The following DBNL variants were observed in gnomAD, a reference collection of about 807,000 sequenced individuals.
DBNL encodes the protein drebrin-like protein.
DBNL carries 35 observed loss-of-function variants against 62.2 expected under a neutral mutation model. That is an observed-to-expected ratio of 0.56 (90% CI 0.43 to 0.75). The LOEUF is 0.75. Ranked by LOEUF, DBNL falls within the 30% of genes least tolerant of loss-of-function variation. DBNL has a pLI of 0.00. For missense variants in DBNL, 495 were observed against 578.4 expected (o/e 0.86, Z 1.48); for synonymous variants, 197 against 218.0 (o/e 0.90, Z 0.85).
chr7:44,058,027 T>C lies in DBNL; in HGVS notation c.553-102T>C. 3.3e-6 allele frequency: 5 copies of C among 1,521,942 alleles called. No individual in the cohort carries two copies. In the South Asian group the frequency reaches 5.0e-5, roughly 15 times the overall value. The allele number at this position is 1,521,942 out of a possible 1,614,324, so 94.3% of individuals were successfully genotyped here. ...GCCACAAGGCTAATGATCGACTGGC[T>C]CTGGTGCCCGTCTTTGGCCATGTGC... On this transcript the variant is annotated intron_variant, in intron 6 of 12. Transcript: ENST00000448521.
In DBNL at chr7:44,050,658, G is replaced by A. The variant is rs915400004; in HGVS notation, c.139+378G>A. The A allele has an allele frequency of 2.0e-5, 4 of 201,492 alleles. No homozygotes were observed. The South Asian group carries it at 2.1e-4, about 11-fold the overall frequency. The allele number at this position is 201,492 out of a possible 1,614,324, so 12.5% of individuals were successfully genotyped here. ...CTTTGTCCTGCCCTGGTCTTGTGCC[G>A]AGTGCTTGCAGGGGCCCCATCCTCA... is the stretch of plus-strand genomic sequence containing the variant. On this transcript the variant is annotated intron_variant, in intron 2 of 12. Transcript: ENST00000448521.
Position 44,044,886 on chromosome 7 carries a change from G to GCCC in DBNL, c.83+67_83+68insCCC, listed in dbSNP as rs1370635303. 3.0e-6 allele frequency: 4 copies of GCCC among 1,342,774 alleles called. No homozygotes were observed. The African/African-American group carries it at 6.2e-5, about 21-fold the overall frequency. The allele number at this position is 1,342,774 out of a possible 1,614,324, so 83.2% of individuals were successfully genotyped here. The stretch of plus-strand genomic sequence containing the variant: ...TCAGGGGTGGGTCTGTCTGGGGCGA[G>GCCC]CGGGGGACTCGGGGGGAGCGGGAGC... On this transcript the variant is annotated intron_variant, in intron 1 of 12. Coordinates refer to ENST00000448521, the MANE Select transcript of DBNL (RefSeq NM_001014436.3).
In DBNL at chr7:44,062,828, A is replaced by G; in HGVS notation, c.*1912A>G. On this transcript the variant is annotated 3_prime_UTR_variant, in exon 13 of 13. Transcript: ENST00000448521. ...CTTCCGCACCGTTTCCTCATCACCCAGGAACTGCATGGGCTTGGTGGGCTT... is the reference window on the plus strand; with the variant it reads ...CTTCCGCACCGTTTCCTCATCACCCGGGAACTGCATGGGCTTGGTGGGCTT... 6.2e-7 allele frequency: 1 copy of G among 1,614,168 alleles called. No individual in the cohort carries two copies. Among genetic ancestry groups the G allele is most frequent in the Non-Finnish European group, 8.5e-7 (1 of 1,180,022 alleles).
intron 1 of DBNL, among the ~76,000 whole-genome samples, chr7:44,047,218 G>A (rs535425445): frequency 6.6e-6 from 1 of 152,284 alleles, no homozygotes; most frequent in South Asian, 2.1e-4. Flanking sequence ...GAAGGGGTGG[G>A]GTGGGCTCTG....
chr7:44,055,035 G>T (rs1017336663), intron 4 of DBNL, among the ~76,000 whole-genome samples: 1 of 152,154 alleles, frequency 6.6e-6, no homozygotes, highest in Non-Finnish European at 1.5e-5. Flanking sequence ...TTCATCCATT[G>T]ATGGACGTTT....
Position 44,060,817 on chromosome 7 carries a change from C to T in DBNL, c.1194C>T (p.Ile398=), listed in dbSNP as rs1197451513. 17 of 1,613,976 alleles carry T rather than the reference C, an allele frequency of 1.1e-5. No individual in the cohort carries two copies. Among genetic ancestry groups the T allele is most frequent in the Non-Finnish European group, 1.4e-5 (16 of 1,180,000 alleles). ...TEISFDPENL[I]TGIEVIDEGW... ...TCTCCTTTGACCCCGAGAACCTCAT[C>T]ACGGGCATCGAGGTGATCGACGAAG... Residue 398 remains isoleucine, a synonymous_variant, in exon 13 of 13, where the codon ATC becomes ATT. Coordinates refer to ENST00000448521, the MANE Select transcript of DBNL (RefSeq NM_001014436.3). The surrounding 1 kb of genome is among the most constrained non-coding windows in gnomAD (Gnocchi z 6.3).
Position 44,061,018 on chromosome 7 carries a change from C to CT in DBNL, c.*102_*103insT, listed in dbSNP as rs1178731757. The CT allele has an allele frequency of 2.1e-6, 3 of 1,458,012 alleles. No individual in the cohort carries two copies. The highest frequency in any genetic ancestry group is 1.8e-6 in the Non-Finnish European group (2 of 1,095,516). The allele number at this position is 1,458,012 out of a possible 1,614,324, so 90.3% of individuals were successfully genotyped here. A position where few individuals can be genotyped will look rare whatever the true frequency, so the allele number is the denominator to read the frequency against. ...ATTCAGCACTCTTCCAGGAATAGGA[C>CT]CCCCAGTGAGGATGAGGCCTCAGGG... On this transcript the variant is annotated 3_prime_UTR_variant, in exon 13 of 13. Coordinates refer to ENST00000448521, the MANE Select transcript of DBNL (RefSeq NM_001014436.3).
In DBNL at chr7:44,057,695, G is replaced by T. The variant is rs180828687; in HGVS notation, c.475-87G>T. The T allele has an allele frequency of 1.1e-5, 16 of 1,488,768 alleles. No individual in the cohort carries two copies. In the East Asian group the frequency reaches 1.6e-4, roughly 15 times the overall value. 92.2% of individuals were successfully genotyped at this position (1,488,768 alleles called of 1,614,324 possible). ...CCTAGCAGCACTCACCTGTGCTGTCGCAAGTTTAGCGTATTCTCTCCTTTG... is the reference window on the plus strand; with the variant it reads ...CCTAGCAGCACTCACCTGTGCTGTCTCAAGTTTAGCGTATTCTCTCCTTTG... On this transcript the variant is annotated intron_variant, in intron 5 of 12. Coordinates refer to ENST00000448521, the MANE Select transcript of DBNL (RefSeq NM_001014436.3).
rs62458754 is a variant in DBNL at position 44,064,005 on chromosome 7, G to A, written c.*3089G>A. 24,077 of 152,746 alleles carry A rather than the reference G, an allele frequency of 0.16. 1,998 individuals are homozygous for A. Among genetic ancestry groups the A allele is most frequent in the Admixed American group, 0.2 (3,047 of 15,306 alleles). The allele number at this position is 152,746 out of a possible 1,614,324, so 9.5% of individuals were successfully genotyped here. A position where few individuals can be genotyped will look rare whatever the true frequency, so the allele number is the denominator to read the frequency against. ...GCTGGCTGGGTCTCCGGGGCCTGCCGGTCTGGGTGCTCTGGCCAACTGCCC... is the reference window on the plus strand; with the variant it reads ...GCTGGCTGGGTCTCCGGGGCCTGCCAGTCTGGGTGCTCTGGCCAACTGCCC... On this transcript the variant is annotated 3_prime_UTR_variant, in exon 13 of 13. Transcript: ENST00000448521.
In DBNL at chr7:44,061,187, T is replaced by C. The variant is rs1295745758; in HGVS notation, c.*271T>C. On this transcript the variant is annotated 3_prime_UTR_variant, in exon 13 of 13. Transcript: ENST00000448521. ...AGGATACTGAGCCAAGCCCTGCCTG[T>C]GGCCAAGCCCTGAGTGGCCACTGCC... 1.1e-5 allele frequency: 5 copies of C among 460,134 alleles called. No homozygotes were observed. The highest frequency in any genetic ancestry group is 1.0e-4 in the South Asian group (4 of 38,998). The allele number at this position is 460,134 out of a possible 1,614,324, so 28.5% of individuals were successfully genotyped here.
rs549037753 is a variant in DBNL at position 44,062,221 on chromosome 7, T to C, written c.*1305T>C. The C allele has an allele frequency of 1.4e-4, 25 of 175,584 alleles. No individual in the cohort carries two copies. The highest frequency in any genetic ancestry group is 2.4e-4 in the Non-Finnish European group (19 of 80,124). The allele number at this position is 175,584 out of a possible 1,614,324, so 10.9% of individuals were successfully genotyped here. A position where few individuals can be genotyped will look rare whatever the true frequency, so the allele number is the denominator to read the frequency against. The stretch of plus-strand genomic sequence containing the variant: ...CCAGGGCTTCCTGGTGCCTCTCCCA[T>C]GAAGAGGGAACTTCCCCTCCACTCC... On this transcript the variant is annotated 3_prime_UTR_variant, in exon 13 of 13. Transcript: ENST00000448521.
Position 44,058,114 on chromosome 7 carries a change from T to A in DBNL, c.553-15T>A, listed in dbSNP as rs1014284911. On this transcript the variant is annotated splice_polypyrimidine_tract_variant and intron_variant, in intron 6 of 12. Transcript: ENST00000448521. Reference sequence around the variant, plus strand: ...TGGCAGCATAGGGCTGAGCGGGCAGTGGCTCTCCCTGCAGAAGGAGGAGGA... The same window carrying A: ...TGGCAGCATAGGGCTGAGCGGGCAGAGGCTCTCCCTGCAGAAGGAGGAGGA... 1 of 1,552,640 alleles carries A rather than the reference T, an allele frequency of 6.4e-7. No homozygotes were observed. Among genetic ancestry groups the A allele is most frequent in the African/African-American group, 1.4e-5 (1 of 73,284 alleles).
At position 44,050,278 on chromosome 7, in the gene DBNL, G is replaced by GGGGTGAGTATGA; in HGVS notation, c.138_139+10dup. 6.2e-7 allele frequency: 1 copy of GGGGTGAGTATGA among 1,613,670 alleles called. No individual in the cohort carries two copies. The highest frequency in any genetic ancestry group is 8.5e-7 in the Non-Finnish European group (1 of 1,179,658). On this transcript the variant is annotated inframe_insertion and splice_region_variant, in exon 2 of 13. Transcript: ENST00000448521. ...AATGACATCCGCGTGGCTGGCACAGGGGGTGAGTATGACTCCAAATGGACT... is the reference window on the plus strand; with the variant it reads ...AATGACATCCGCGTGGCTGGCACAGGGGGTGAGTATGAGGGTGAGTATGACTCCAAATGGACT...
In DBNL at chr7:44,064,287, C is replaced by CA. The variant is rs1491306051; in HGVS notation, c.*3371_*3372insA. On this transcript the variant is annotated 3_prime_UTR_variant, in exon 13 of 13. Transcript: ENST00000448521. Reference sequence around the variant, plus strand: ...CTGGCCACTCCATAGTCCTGCACCCCTCTTTTGATTGGTCTTTCCTTTGCC... The same window carrying CA: ...CTGGCCACTCCATAGTCCTGCACCCCATCTTTTGATTGGTCTTTCCTTTGCC... The CA allele has an allele frequency of 5.4e-6, 1 of 184,406 alleles. No homozygotes were observed. Among genetic ancestry groups the CA allele is most frequent in the African/African-American group, 2.4e-5 (1 of 41,912 alleles). The allele number at this position is 184,406 out of a possible 1,614,324, so 11.4% of individuals were successfully genotyped here. A position where few individuals can be genotyped will look rare whatever the true frequency, so the allele number is the denominator to read the frequency against.
At position 44,065,172 on chromosome 7, in the gene DBNL, C is replaced by T. The variant is rs774216406; in HGVS notation, c.*4256C>T. 6.8e-6 allele frequency: 11 copies of T among 1,613,872 alleles called. No individual in the cohort carries two copies. Among genetic ancestry groups the T allele is most frequent in the South Asian group, 1.1e-5 (1 of 91,078 alleles). On this transcript the variant is annotated 3_prime_UTR_variant, in exon 13 of 13. Coordinates refer to ENST00000448521, the MANE Select transcript of DBNL (RefSeq NM_001014436.3). ...TCGTCCATCGGGGGCGGCGGGATGTCGAAGGAGCGCCTCCAGATCTTCACC... is the reference window on the plus strand; with the variant it reads ...TCGTCCATCGGGGGCGGCGGGATGTTGAAGGAGCGCCTCCAGATCTTCACC...
intron 1 of DBNL, among the ~76,000 whole-genome samples, chr7:44,048,791 A>G (rs1387826343): frequency 6.6e-6 from 1 of 152,128 alleles, no homozygotes; most frequent in Non-Finnish European, 1.5e-5. Context: ...CCTGCTGGGG[A>G]TGTTCAGTTG....
At chr7:44,051,617 C>T (rs940635129) in intron 2 of DBNL, 5 of 409,080 alleles carry the variant, frequency 1.2e-5, no homozygotes, top group African/African-American at 6.1e-5. Flanking sequence ...TTGTCAGAAT[C>T]GCAGACTTCT....
chr7:44,044,784 A>G lies in DBNL; in HGVS notation c.47A>G (p.Tyr16Cys). The change falls in exon 1 of 13, where the codon TAC becomes TGC. Residue 16 changes from tyrosine to cysteine, a missense_variant. Tyr to Cys is a radical substitution (Grantham distance 194). Transcript: ENST00000448521. ...SRNGPALQEAYVRVVTEKSPT... is the reference protein window; with the variant it reads ...SRNGPALQEACVRVVTEKSPT... ...AACGGGCCAGCGCTGCAAGAGGCCT[A>G]CGTGCGGGTGGTCACCGAGAAGTCC... is the stretch of plus-strand genomic sequence containing the variant. 1 of 1,502,594 alleles carries G rather than the reference A, an allele frequency of 6.7e-7. No homozygotes were observed. The highest frequency in any genetic ancestry group is 8.9e-7 in the Non-Finnish European group (1 of 1,126,400). 93.1% of individuals were successfully genotyped at this position (1,502,594 alleles called of 1,614,324 possible). A position where few individuals can be genotyped will look rare whatever the true frequency, so the allele number is the denominator to read the frequency against.
chr7:44,051,132 C>T (rs1440855889), intron 2 of DBNL: 1 of 152,382 alleles, frequency 6.6e-6, no homozygotes, highest in African/African-American at 2.4e-5. Flanking sequence ...TTGCTGTCCC[C>T]AGAGTGGGGC....
Sources: allele counts gnomAD v4.1 joint callset (sites outside exome capture counted in the v4.1 genomes callset), GRCh38; gene constraint gnomAD v4.1.1; non-coding constraint Gnocchi (gnomAD v3.1); transcripts MANE v1.5; gene names NCBI Gene and HGNC (gene_info 2026-07-23, HGNC 2026-07-21).